EDA: variants seen among roughly 807,000 people sequenced by gnomAD.
EDA encodes the protein ectodysplasin A, also known as ectodysplasin-A.
A neutral mutation model predicts 23.6 loss-of-function variants in EDA; 2 were observed. That is an observed-to-expected ratio of 0.08 (90% confidence interval 0.03 to 0.27). The LOEUF is 0.27. Among genes scored for constraint, EDA ranks in the 10% least tolerant of loss-of-function variants. EDA has a pLI of 1.00. For synonymous variants in EDA, 131 were observed against 132.0 expected (o/e 0.99, Z 0.05); for missense variants, 229 against 324.2 (o/e 0.71, Z 2.26).
intron 1 of EDA, among the ~76,000 whole-genome samples, chrX:69,839,472 T>C (rs1273436959): frequency 8.9e-6 from 1 of 112,321 alleles, no homozygotes. Context: ...GGTACAATCT[T>C]TGCTTTACTC....
intron 1 of EDA, among the ~76,000 whole-genome samples, chrX:69,903,300 T>C (rs754182570): frequency 1.8e-5 from 2 of 111,438 alleles, no homozygotes; most frequent in Non-Finnish European, 3.8e-5. Context: ...CTCTTCTAAA[T>C]GCTTTAACCT....
chrX:69,738,828 T>G (rs776933292), intron 1 of EDA, among the ~76,000 whole-genome samples: 1 of 110,877 alleles, frequency 9.0e-6, no homozygotes, highest in Non-Finnish European at 1.9e-5. Flanking sequence ...ATTGCTGATT[T>G]TATTCCATTG....
intron 2 of EDA, among the ~76,000 whole-genome samples, chrX:69,970,805 A>G (rs1263095072): frequency 9.0e-6 from 1 of 111,638 alleles, no homozygotes; most frequent in Non-Finnish European, 1.9e-5. Flanking sequence ...AATTACCCAG[A>G]AAACTCATTT....
chrX:69,850,066 C>G (rs2017094430), intron 1 of EDA, among the ~76,000 whole-genome samples: 1 of 112,202 alleles, frequency 8.9e-6, no homozygotes, highest in Admixed American at 9.4e-5. Context: ...TATACCTGAC[C>G]TGCATACTGA....
chrX:69,942,873 A>AT (rs749924504), intron 1 of EDA, among the ~76,000 whole-genome samples: 50 of 109,941 alleles, frequency 4.5e-4, no homozygotes, highest in African/African-American at 1.6e-3. Flanking sequence ...GGCATGCTTC[A>AT]TTTTTTTGTA....
At chrX:69,879,583 T>C (rs2017711183) in intron 1 of EDA, among the ~76,000 whole-genome samples, 1 of 111,687 alleles carries the variant, frequency 9.0e-6, no homozygotes, top group Non-Finnish European at 1.9e-5. Context: ...GCCTCTATAA[T>C]GGAAATGCTT....
At chrX:69,725,196 TAGAC>T (rs2012746030) in intron 1 of EDA, among the ~76,000 whole-genome samples, 1 of 111,806 alleles carries the variant, frequency 8.9e-6, no homozygotes, top group Admixed American at 9.5e-5. Flanking sequence ...CAAAAACTTT[TAGAC>T]AGAGACAAAA....
At chrX:69,718,576 G>T (rs2012442623) in intron 1 of EDA, among the ~76,000 whole-genome samples, 1 of 110,234 alleles carries the variant, frequency 9.1e-6, no homozygotes, top group Non-Finnish European at 1.9e-5. Flanking sequence ...TCTTCATCTT[G>T]TTGATTATTG....
chrX:69,632,705 T>A (rs896272152), intron 1 of EDA, among the ~76,000 whole-genome samples: 2 of 111,928 alleles, frequency 1.8e-5, no homozygotes, highest in African/African-American at 3.3e-5. Context: ...TGCAAATCCA[T>A]TCCCCTCACT....
At chrX:69,998,708 T>C (rs1194260505) in intron 2 of EDA, among the ~76,000 whole-genome samples, 2 of 111,607 alleles carry the variant, frequency 1.8e-5, no homozygotes, top group Non-Finnish European at 3.8e-5. Context: ...TGGGAGATAA[T>C]TGAATCATGG....
intron 2 of EDA, among the ~76,000 whole-genome samples, chrX:69,980,858 A>G (rs1429588260): frequency 8.9e-6 from 1 of 112,232 alleles, no homozygotes; most frequent in South Asian, 3.7e-4. Flanking sequence ...TGGAAAGATA[A>G]GAACAAAAAT....
In EDA at chrX:70,035,527, T is replaced by C. The variant is rs397516654; in HGVS notation, c.1094T>C (p.Val365Ala). The change falls in exon 8 of 8, where the codon GTG (valine) becomes GCG (alanine). Residue 365 changes from valine (V) to alanine (A), a missense_variant. By Grantham distance (64) the Val-to-Ala change is moderately conservative (BLOSUM62 0). This residue lies in a region of EDA where 175 missense variants were observed against 281.8 expected (regional missense o/e 0.62). Coordinates refer to ENST00000374552, the MANE Select transcript of EDA (RefSeq NM_001399.5). ...CGGCAGAAGATCGCCGTCAAGATGG[T>C]GCACGCTGACATCTCCATCAACATG... ...KARQKIAVKMVHADISINMSK... is the reference protein window; with the variant it reads ...KARQKIAVKMAHADISINMSK... The C allele has an allele frequency of 4.3e-5, 52 of 1,205,588 alleles. No individual in the cohort carries two copies. Among genetic ancestry groups the C allele is most frequent in the Non-Finnish European group, 5.6e-5 (50 of 894,124 alleles).
At chrX:69,842,214 A>G (rs1350213830) in intron 1 of EDA, among the ~76,000 whole-genome samples, 1 of 111,350 alleles carries the variant, frequency 9.0e-6, no homozygotes, top group African/African-American at 3.3e-5. Context: ...CCTATTGTAA[A>G]TCACACATAC....
chrX:69,645,584 T>TTATATATATATATATATATATATATATA lies in EDA; in HGVS notation c.396+28889_396+28890insATATATATATATATATATATATATATAT, dbSNP rs761403541. On this transcript the variant is annotated intron_variant, in intron 1 of 7. Coordinates refer to ENST00000374552, the MANE Select transcript of EDA (RefSeq NM_001399.5). Reference sequence around the variant, plus strand: ...GGTTGCTCTTAGTTCTCTAGTTCTTTTATATATATGTGTGTGTGTATATAT... The same window carrying TTATATATATATATATATATATATATATA: ...GGTTGCTCTTAGTTCTCTAGTTCTTTTATATATATATATATATATATATATATATATATATATGTGTGTGTGTATATAT... 3.3e-4 allele frequency among the ~76,000 whole-genome samples: 18 copies of TTATATATATATATATATATATATATATA among 54,342 alleles called. 1 individual carries two copies. Among genetic ancestry groups the TTATATATATATATATATATATATATATA allele is most frequent in the East Asian group, 4.6e-3 (2 of 435 alleles). 47.2% of individuals were successfully genotyped at this position (54,342 alleles called of 115,157 possible).
chrX:69,698,647 A>G (rs2011440385), intron 1 of EDA, among the ~76,000 whole-genome samples: 5 of 111,418 alleles, frequency 4.5e-5, no homozygotes. Context: ...GAGTCTCATG[A>G]GGGCAAAAGA....
chrX:69,704,917 G>A lies in EDA; in HGVS notation c.396+88213G>A, dbSNP rs768578689. ...GTTATGTTGATGACTTTGAGCTGAA[G>A]CACTTGAAAAACAGCAAAATAGGCC... On this transcript the variant is annotated intron_variant, in intron 1 of 7. Transcript: ENST00000374552. Among the ~76,000 whole-genome samples, 4 of 110,691 alleles carry A rather than the reference G, an allele frequency of 3.6e-5. No individual in the cohort carries two copies. The East Asian group carries it at 1.1e-3, about 32-fold the overall frequency.
At chrX:69,785,353 G>A (rs1365028763) in intron 1 of EDA, among the ~76,000 whole-genome samples, 2 of 82,249 alleles carry the variant, frequency 2.4e-5, no homozygotes, top group South Asian at 5.7e-4. Context: ...GTGAGAGAGG[G>A]CATCCCTGTC....
intron 1 of EDA, among the ~76,000 whole-genome samples, chrX:69,676,100 G>T (rs1438668035): frequency 2.7e-5 from 3 of 111,381 alleles, no homozygotes; most frequent in Non-Finnish European, 3.8e-5. Flanking sequence ...AGGTCAGAGA[G>T]GTAAGAGGAG....
chrX:69,827,903 A>C (rs2016496633), intron 1 of EDA, among the ~76,000 whole-genome samples: 2 of 111,423 alleles, frequency 1.8e-5, no homozygotes, highest in African/African-American at 6.5e-5. Flanking sequence ...TCTGATTGTT[A>C]GTCTTCCTTC....
Sources: allele counts gnomAD v4.1 joint callset (sites outside exome capture counted in the v4.1 genomes callset), GRCh38; gene constraint gnomAD v4.1.1; regional missense constraint gnomAD v4.1.1; transcripts MANE v1.5; gene names NCBI Gene and HGNC (gene_info 2026-07-23, HGNC 2026-07-21).